The following ZC3H12B variants were observed in gnomAD, a reference collection of about 807,000 sequenced individuals.
ZC3H12B encodes probable ribonuclease ZC3H12B.
Under a neutral mutation model 43.9 loss-of-function variants are expected in ZC3H12B, and 7 were observed. The ratio of observed to expected loss-of-function variants is 0.16; its 90% CI spans 0.09 to 0.30. The LOEUF (loss-of-function observed/expected upper bound fraction) is 0.30, where lower values mean the gene tolerates loss of function less well. ZC3H12B is among the 10% of genes least tolerant of loss of function. The pLI, the probability that ZC3H12B is intolerant of heterozygous loss-of-function variation, is 1.00. For synonymous variants in ZC3H12B, 222 were observed against 241.7 expected, an observed-to-expected ratio of 0.92 and a Z score of 0.76; for missense variants, 475 against 670.2, an observed-to-expected ratio of 0.71 and a Z score of 3.22.
At chrX:65,094,190 C>T in the ZC3H12B span, among the ~76,000 whole-genome samples, 4 of 110,092 alleles carry the variant, frequency 3.6e-5, no homozygotes, top group African/African-American at 1.3e-4. Context: ...CTGAGGCCTC[C>T]CAAGAAGCTG....
chrX:65,423,753 C>A (rs2148090135), intron 3 of ZC3H12B, among the ~76,000 whole-genome samples: 1 of 111,411 alleles, frequency 9.0e-6, no homozygotes, highest in African/African-American at 3.3e-5. Flanking sequence ...TGGATATTAG[C>A]CCTTTGCCAG....
the ZC3H12B span, among the ~76,000 whole-genome samples, chrX:65,346,644 CT>C: frequency 8.9e-6 from 1 of 111,971 alleles, no homozygotes; most frequent in African/African-American, 3.2e-5. Context: ...AACTAAAGAG[CT>C]TTTAGACAGC....
chrX:65,401,473 G>C (rs1188964793), intron 3 of ZC3H12B, among the ~76,000 whole-genome samples: 1 of 111,733 alleles, frequency 8.9e-6, no homozygotes, highest in East Asian at 2.8e-4. Flanking sequence ...AAAGTGCTCT[G>C]TATCTCTAAG....
At chrX:65,443,369 C>T (rs1012665062) in intron 3 of ZC3H12B, among the ~76,000 whole-genome samples, 1 of 110,951 alleles carries the variant, frequency 9.0e-6, no homozygotes, top group Non-Finnish European at 1.9e-5. Context: ...TGGGGAGACC[C>T]TAACCTAGAG....
chrX:65,250,355 G>T, the ZC3H12B span, among the ~76,000 whole-genome samples: 2 of 111,804 alleles, frequency 1.8e-5, no homozygotes, highest in East Asian at 5.6e-4. Context: ...ATTTGGGTTG[G>T]TTCCAAATCT....
At chrX:65,216,527 G>A in the ZC3H12B span, among the ~76,000 whole-genome samples, 1 of 111,535 alleles carries the variant, frequency 9.0e-6, no homozygotes, top group Non-Finnish European at 1.9e-5. Context: ...ATAAGTTTGA[G>A]TGTCAGTCAG....
At chrX:65,226,162 C>A in the ZC3H12B span, among the ~76,000 whole-genome samples, 5,068 of 111,834 alleles carry the variant, frequency 0.045, 128 homozygotes, top group Non-Finnish European at 0.069. Flanking sequence ...GCCCATCAGA[C>A]TAAGAGGAGA....
At chrX:65,337,705 C>A in the ZC3H12B span, among the ~76,000 whole-genome samples, 1 of 112,358 alleles carries the variant, frequency 8.9e-6, no homozygotes, top group Non-Finnish European at 1.9e-5. Flanking sequence ...TTCTCCAGTA[C>A]AAAAGTGATT....
At chrX:65,468,525 G>A (rs1448082478) in intron 3 of ZC3H12B, among the ~76,000 whole-genome samples, 4 of 95,513 alleles carry the variant, frequency 4.2e-5, no homozygotes, top group Non-Finnish European at 8.2e-5. Context: ...ACTCTGTCAC[G>A]CAGGCTGGAG....
At chrX:65,269,132 G>A in the ZC3H12B span, among the ~76,000 whole-genome samples, 1 of 110,936 alleles carries the variant, frequency 9.0e-6, no homozygotes, top group African/African-American at 3.3e-5. Flanking sequence ...GGATCACAAG[G>A]TCAAGAGATC....
rs2066729548 is a variant in ZC3H12B, at chrX:65,398,692, AGCCT to A, written n.398_401del. 1 of 112,168 alleles carries A rather than the reference AGCCT, an allele frequency of 8.9e-6. No homozygotes were observed. Among genetic ancestry groups the A allele is most frequent in the Non-Finnish European group, 1.9e-5 (1 of 53,230 alleles). 9.2% of individuals were successfully genotyped at this position (112,168 alleles called of 1,213,427 possible). On this transcript the variant is annotated non_coding_transcript_exon_variant, in exon 3 of 6. The change abolishes the stop of an existing upstream ORF in the 5' untranslated region. Transcript: ENST00000617377. Reference sequence around the variant, plus strand: ...GGCTGCCCAGTCATGCTTCCTGTTAAGCCTGCAGAACTGTGAGTCAATTTAACCT... The same window carrying A: ...GGCTGCCCAGTCATGCTTCCTGTTAAGCAGAACTGTGAGTCAATTTAACCT...
chrX:65,062,196 G>A, the ZC3H12B span, among the ~76,000 whole-genome samples: 1 of 112,128 alleles, frequency 8.9e-6, no homozygotes, highest in African/African-American at 3.2e-5. Flanking sequence ...GGCTTTTGTT[G>A]CCATTGCTTT....
At chrX:65,379,338 C>T (rs1261787540) in intron 2 of ZC3H12B, among the ~76,000 whole-genome samples, 1 of 111,515 alleles carries the variant, frequency 9.0e-6, no homozygotes, top group African/African-American at 3.3e-5. Flanking sequence ...CACCCCCCAG[C>T]AAGGGCAGAC....
chrX:65,246,863 A>T, the ZC3H12B span, among the ~76,000 whole-genome samples: 1 of 112,656 alleles, frequency 8.9e-6, no homozygotes, highest in South Asian at 3.6e-4. Flanking sequence ...TTTCATGACG[A>T]AGACACAAAA....
At chrX:65,354,958 T>C in the ZC3H12B span, among the ~76,000 whole-genome samples, 1 of 111,718 alleles carries the variant, frequency 9.0e-6, no homozygotes, top group Non-Finnish European at 1.9e-5. Context: ...AATATGGGAC[T>C]ATGGGAAACG....
the ZC3H12B span, among the ~76,000 whole-genome samples, chrX:65,093,340 C>T: frequency 8.9e-6 from 1 of 112,110 alleles, no homozygotes; most frequent in Non-Finnish European, 1.9e-5. Flanking sequence ...AGAGTTCCCA[C>T]TGGGTCACTG....
intron 3 of ZC3H12B, among the ~76,000 whole-genome samples, chrX:65,474,849 C>T (rs904281994): frequency 4.5e-5 from 5 of 112,214 alleles, no homozygotes; most frequent in African/African-American, 6.5e-5. Context: ...TCAGGTGATC[C>T]GCCTGCCTTG....
chrX:65,276,693 C>T, the ZC3H12B span, among the ~76,000 whole-genome samples: 2 of 111,786 alleles, frequency 1.8e-5, no homozygotes, highest in Non-Finnish European at 3.8e-5. Flanking sequence ...AAAAGAAATG[C>T]TCAAGTGAGT....
the ZC3H12B span, among the ~76,000 whole-genome samples, chrX:65,113,825 T>C: frequency 9.4e-6 from 1 of 106,532 alleles, no homozygotes; most frequent in Admixed American, 1.0e-4. Flanking sequence ...TATGTACATT[T>C]CTAGACATAA....
Sources: allele counts gnomAD v4.1 joint callset (sites outside exome capture counted in the v4.1 genomes callset), GRCh38; gene constraint gnomAD v4.1.1; transcripts MANE v1.5; gene names NCBI Gene and HGNC (gene_info 2026-07-23, HGNC 2026-07-21).